Variants in B3GLCT observed in about 807,000 individuals in gnomAD.
The protein encoded by B3GLCT is beta 3-glucosyltransferase.
In B3GLCT, 65 loss-of-function variants were observed where a neutral mutation model predicts 63.4. That is an observed-to-expected ratio of 1.03 (90% CI 0.84 to 1.26). The LOEUF is 1.26. Ranked by LOEUF, B3GLCT falls within the 50% of genes most tolerant of loss-of-function variation. The pLI is 0.00. For missense variants in B3GLCT, 577 were observed against 604.8 expected (o/e 0.95, Z 0.48); for synonymous variants, 233 against 219.2 (o/e 1.06, Z -0.55).
intron 6 of B3GLCT, among the ~76,000 whole-genome samples, chr13:31,248,230 A>G (rs970454992): frequency 3.3e-4 from 50 of 152,382 alleles, no homozygotes; most frequent in African/African-American, 1.1e-3. Context: ...GTTGGAAACT[A>G]TAACTTGAAG....
At chr13:31,205,099 A>G (rs1238150466) in intron 1 of B3GLCT, among the ~76,000 whole-genome samples, 1 of 152,062 alleles carries the variant, frequency 6.6e-6, no homozygotes, top group Non-Finnish European at 1.5e-5. Context: ...TCAGTTTTGG[A>G]CAAGTTGAGT....
rs1875900455 is a variant in B3GLCT, at chr13:31,331,124, C to T, written c.*1456C>T. The T allele has an allele frequency of 6.6e-6, 1 of 152,182 alleles. No individual in the cohort carries two copies. The highest frequency in any genetic ancestry group is 1.5e-5 in the Non-Finnish European group (1 of 68,044). 9.4% of individuals were successfully genotyped at this position (152,182 alleles called of 1,614,324 possible). ...TCAGGGATGATCAGCTGATGAGAGG[C>T]TCCAGAAGGATTTCTAGATCGCTTC... On this transcript the variant is annotated 3_prime_UTR_variant, in exon 15 of 15. Transcript: ENST00000343307.
intron 8 of B3GLCT, among the ~76,000 whole-genome samples, chr13:31,270,025 G>A (rs770906341): frequency 6.6e-5 from 10 of 152,164 alleles, no homozygotes; most frequent in African/African-American, 2.2e-4. Context: ...GCAGAATTGA[G>A]CCTATTGGTC....
chr13:31,293,733 C>G lies in B3GLCT; in HGVS notation c.1064+6914C>G, dbSNP rs575334438. Among the ~76,000 whole-genome samples, 12 of 152,280 alleles carry G rather than the reference C, an allele frequency of 7.9e-5. 1 individual carries two copies. In the South Asian group the frequency reaches 2.5e-3, roughly 32 times the overall value. ...TGAGATGAGTCTCCTGAATACAGCA[C>G]TCCAATGGGTCTTGACTCTTTTATC... On this transcript the variant is annotated intron_variant, in intron 12 of 14. Transcript: ENST00000343307.
chr13:31,211,748 A>G (rs1184653664), intron 1 of B3GLCT, among the ~76,000 whole-genome samples: 10 of 152,208 alleles, frequency 6.6e-5, no homozygotes. Context: ...CATATTGGCA[A>G]TATCTTTCCT....
chr13:31,256,259 G>A (rs549891027), intron 6 of B3GLCT, among the ~76,000 whole-genome samples: 83 of 152,260 alleles, frequency 5.5e-4, no homozygotes, highest in African/African-American at 1.6e-3. Flanking sequence ...TTAGAATGGC[G>A]ATCATTAAAA....
At chr13:31,288,028 A>G (rs148728199) in intron 12 of B3GLCT, among the ~76,000 whole-genome samples, 70 of 152,364 alleles carry the variant, frequency 4.6e-4, no homozygotes, top group African/African-American at 1.5e-3. Context: ...GGCCTTGAAT[A>G]TATGCAATTG....
chr13:31,261,151 T>A, intron 7 of B3GLCT, 69 bp downstream of exon 7: 2 of 1,521,198 alleles, frequency 1.3e-6, no homozygotes, highest in Non-Finnish European at 1.8e-6. Context: ...CATTGAGTAC[T>A]GTAACTGATG....
chr13:31,315,519 G>A (rs986180689), intron 12 of B3GLCT, among the ~76,000 whole-genome samples: 1 of 152,196 alleles, frequency 6.6e-6, no homozygotes, highest in African/African-American at 2.4e-5. Context: ...AGGTGACCTG[G>A]CTTATTCTGA....
At chr13:31,206,035 A>G (rs1868932660) in intron 1 of B3GLCT, among the ~76,000 whole-genome samples, 1 of 152,258 alleles carries the variant, frequency 6.6e-6, no homozygotes, top group Non-Finnish European at 1.5e-5. Context: ...AAGAAACTCA[A>G]GGCTCTTTAC....
At chr13:31,230,338 C>T (rs966694114) in intron 4 of B3GLCT, among the ~76,000 whole-genome samples, 19 of 152,106 alleles carry the variant, frequency 1.2e-4, no homozygotes, top group Non-Finnish European at 4.4e-5. Context: ...CCTTCAAGAC[C>T]GAAGTGCTTG....
chr13:31,286,777 A>G lies in B3GLCT; in HGVS notation c.1022A>G (p.Lys341Arg). Reference protein sequence around the residue: ...LERFLNRSQDKTAWLVIVDDD... With the variant: ...LERFLNRSQDRTAWLVIVDDD... ...AGATTTCTGAATCGTAGCCAGGACAAAACAGCATGGTTAGTCATTGTGGAT... is the reference window on the plus strand; with the variant it reads ...AGATTTCTGAATCGTAGCCAGGACAGAACAGCATGGTTAGTCATTGTGGAT... Residue 341 changes from lysine to arginine, a missense_variant, in exon 12 of 15, where the codon AAA (lysine) becomes AGA (arginine). Lys to Arg is a conservative substitution (Grantham distance 26). Coordinates refer to ENST00000343307, the MANE Select transcript of B3GLCT (RefSeq NM_194318.4). The G allele has an allele frequency of 6.2e-7, 1 of 1,613,584 alleles. No homozygotes were observed. The highest frequency in any genetic ancestry group is 8.5e-7 in the Non-Finnish European group (1 of 1,179,618).
At chr13:31,205,882 A>G (rs1868924676) in intron 1 of B3GLCT, among the ~76,000 whole-genome samples, 1 of 152,372 alleles carries the variant, frequency 6.6e-6, no homozygotes, top group Admixed American at 6.5e-5. Flanking sequence ...AAACAAGTAT[A>G]AGTATCATCA....
intron 8 of B3GLCT, among the ~76,000 whole-genome samples, chr13:31,271,772 A>G (rs1872583175): frequency 6.6e-6 from 1 of 152,176 alleles, no homozygotes; most frequent in African/African-American, 2.4e-5. Context: ...CTTATCATTT[A>G]CTAAGGGAGG....
At chr13:31,314,983 T>A (rs1208642476) in intron 12 of B3GLCT, among the ~76,000 whole-genome samples, 1 of 152,220 alleles carries the variant, frequency 6.6e-6, no homozygotes, top group Non-Finnish European at 1.5e-5. Context: ...TCTTTCTCAT[T>A]GTCTTTTGCT....
intron 1 of B3GLCT, among the ~76,000 whole-genome samples, chr13:31,209,723 C>G (rs540657552): frequency 1.5e-4 from 23 of 152,182 alleles, no homozygotes; most frequent in African/African-American, 5.5e-4. Flanking sequence ...CAGCTATTGG[C>G]TGAGCTTTTT....
At chr13:31,286,362 C>T (rs1245586776) in intron 11 of B3GLCT, among the ~76,000 whole-genome samples, 5 of 152,214 alleles carry the variant, frequency 3.3e-5, no homozygotes, top group Non-Finnish European at 7.3e-5. Context: ...ATAAGTTTAT[C>T]TAAGAAAGGA....
rs143013995 is a variant in B3GLCT, at chr13:31,286,829, C to T, written c.1064+10C>T. 2.0e-4 allele frequency: 319 copies of T among 1,558,414 alleles called. 2 individuals are homozygous for T. In the African/African-American group the frequency reaches 3.9e-3, roughly 19 times the overall value. On this transcript the variant is annotated intron_variant, in intron 12 of 14. Coordinates refer to ENST00000343307, the MANE Select transcript of B3GLCT (RefSeq NM_194318.4). ...ATGATACATTAATAAGGTAAGGAGT[C>T]ATTCTCATCCTAAATGGCTTTAAAT... is the stretch of plus-strand genomic sequence containing the variant.
chr13:31,216,224 T>G (rs1869554420), intron 2 of B3GLCT, among the ~76,000 whole-genome samples: 1 of 152,226 alleles, frequency 6.6e-6, no homozygotes, highest in Non-Finnish European at 1.5e-5. Context: ...AATACTAATT[T>G]CTTACGATTT....
Sources: gnomAD v4.1 joint callset for allele counts (sites outside exome capture counted in the v4.1 genomes callset) on GRCh38, gnomAD v4.1.1 for gene constraint, MANE v1.5 for transcripts, NCBI Gene and HGNC (gene_info 2026-07-23, HGNC 2026-07-21) for gene names.